The following LIN7A variants were observed in gnomAD, a reference collection of about 807,000 sequenced individuals.
LIN7A encodes the protein lin-7 cell polarity scaffold A, also known as protein lin-7 homolog A.
In LIN7A, 25 loss-of-function variants were observed where a neutral mutation model predicts 29.8. That is an observed-to-expected ratio of 0.84 (90% CI 0.61 to 1.17). LIN7A has a LOEUF of 1.17. LIN7A is among the 50% of genes most tolerant of loss of function. The pLI is 0.00. For synonymous variants in LIN7A, 118 were observed against 107.5 expected, an observed-to-expected ratio of 1.10 and a Z score of -0.60; for missense variants, 239 against 287.0, an observed-to-expected ratio of 0.83 and a Z score of 1.21.
At chr12:80,863,925 T>C (rs1874005392) in intron 2 of LIN7A, among the ~76,000 whole-genome samples, 1 of 152,120 alleles carries the variant, frequency 6.6e-6, no homozygotes, top group African/African-American at 2.4e-5. Flanking sequence ...AACATTAAAA[T>C]GTTCCTTTGA....
chr12:80,834,673 T>G (rs998391287), intron 4 of LIN7A, among the ~76,000 whole-genome samples: 14 of 152,218 alleles, frequency 9.2e-5, no homozygotes, highest in Non-Finnish European at 1.9e-4. Context: ...AACCAACATT[T>G]GAGTTAAAGT....
chr12:80,921,722 G>A (rs994213704), intron 1 of LIN7A, among the ~76,000 whole-genome samples: 2 of 152,030 alleles, frequency 1.3e-5, no homozygotes, highest in Non-Finnish European at 2.9e-5. Flanking sequence ...CATTTTGGGG[G>A]GACAGAAATA....
intron 4 of LIN7A, among the ~76,000 whole-genome samples, chr12:80,838,422 A>C (rs1256408291): frequency 6.6e-6 from 1 of 152,206 alleles, no homozygotes; most frequent in African/African-American, 2.4e-5. Flanking sequence ...TTGTGAGCCA[A>C]CTCAGAATGA....
At chr12:80,900,626 G>T (rs1056647104) in intron 1 of LIN7A, among the ~76,000 whole-genome samples, 3 of 152,118 alleles carry the variant, frequency 2.0e-5, no homozygotes, top group Non-Finnish European at 4.4e-5. Flanking sequence ...CTGAGAATGT[G>T]GTTGATATGA....
intron 4 of LIN7A, among the ~76,000 whole-genome samples, chr12:80,813,020 T>TA (rs1294234651): frequency 2.0e-5 from 3 of 147,352 alleles, no homozygotes; most frequent in African/African-American, 8.0e-5. Flanking sequence ...TACAGATATA[T>TA]TTTTTTTTGA....
At chr12:80,864,139 C>T (rs111926397) in intron 2 of LIN7A, among the ~76,000 whole-genome samples, 11 of 152,018 alleles carry the variant, frequency 7.2e-5, no homozygotes, top group East Asian at 1.9e-4. Flanking sequence ...AGTTTAAGGG[C>T]GTAATACTTG....
chr12:80,849,672 A>G (rs1873235977), intron 2 of LIN7A, among the ~76,000 whole-genome samples: 1 of 151,968 alleles, frequency 6.6e-6, no homozygotes, highest in African/African-American at 2.4e-5. Context: ...CCTTCTCTCT[A>G]GTTTTATTTT....
chr12:80,926,652 A>G (rs117663890), intron 1 of LIN7A, among the ~76,000 whole-genome samples: 2,521 of 152,236 alleles, frequency 0.017, 31 homozygotes, highest in Non-Finnish European at 0.027. Context: ...TCACTCTCTC[A>G]CCTCTAAATA....
intron 2 of LIN7A, among the ~76,000 whole-genome samples, chr12:80,852,497 GCAAT>G (rs1873382528): frequency 6.6e-6 from 1 of 151,986 alleles, no homozygotes; most frequent in Non-Finnish European, 1.5e-5. Flanking sequence ...ATTCAAAGAG[GCAAT>G]CAAAGAAGAT....
In LIN7A at chr12:80,832,043, T is replaced by C. The variant is rs912201162; in HGVS notation, c.483+13687A>G. On this transcript the variant is annotated intron_variant, in intron 4 of 5. Coordinates refer to ENST00000552864, the MANE Select transcript of LIN7A (RefSeq NM_004664.4). ...TGCAGGTTTTGGTTACAGACTTTAC[T>C]GAGTGGTCAAATAGATATTGTGCCT... 5.9e-5 allele frequency among the ~76,000 whole-genome samples: 9 copies of C among 152,328 alleles called. No individual in the cohort carries two copies. In the South Asian group the frequency reaches 1.0e-3, roughly 18 times the overall value.
intron 5 of LIN7A, among the ~76,000 whole-genome samples, chr12:80,802,539 C>T (rs1870771316): frequency 6.6e-6 from 1 of 152,180 alleles, no homozygotes; most frequent in South Asian, 2.1e-4. Context: ...GAGGACCCTC[C>T]TCCATATTAT....
intron 4 of LIN7A, among the ~76,000 whole-genome samples, chr12:80,837,013 T>C (rs1379017233): frequency 6.6e-6 from 1 of 151,962 alleles, no homozygotes; most frequent in Non-Finnish European, 1.5e-5. Flanking sequence ...AATGGCTTTA[T>C]TGATTGGATA....
chr12:80,849,937 G>T (rs1873249972), intron 2 of LIN7A, among the ~76,000 whole-genome samples: 1 of 152,080 alleles, frequency 6.6e-6, no homozygotes, highest in Non-Finnish European at 1.5e-5. Context: ...AGTTATTTTG[G>T]TTAACATTGC....
At chr12:80,798,179 T>C (rs1870541994) in intron 5 of LIN7A, among the ~76,000 whole-genome samples, 1 of 152,192 alleles carries the variant, frequency 6.6e-6, no homozygotes, top group Non-Finnish European at 1.5e-5. Flanking sequence ...TCTGTCTCTC[T>C]TCATAAGGTC....
intron 1 of LIN7A, among the ~76,000 whole-genome samples, chr12:80,895,827 T>C (rs1364728834): frequency 1.3e-5 from 2 of 152,152 alleles, no homozygotes; most frequent in African/African-American, 4.8e-5. Context: ...CGAAGATAAC[T>C]GCCATGTGCT....
At chr12:80,882,284 A>ATTTTTTTTTTTTTTTTTTTTTTTT (rs1463134808) in intron 2 of LIN7A, among the ~76,000 whole-genome samples, 3 of 72,058 alleles carry the variant, frequency 4.2e-5, no homozygotes, top group Admixed American at 1.2e-4. Flanking sequence ...TTTTTCTTTC[A>ATTTTTTTTTTTTTTTTTTTTTTTT]TTCTTTTTTT....
chr12:80,863,909 T>C (rs935992241), intron 2 of LIN7A, among the ~76,000 whole-genome samples: 3 of 152,170 alleles, frequency 2.0e-5, no homozygotes, highest in Non-Finnish European at 4.4e-5. Context: ...TTTGTTTTTT[T>C]TTAACAACAT....
chr12:80,828,111 T>C (rs1436365408), intron 4 of LIN7A, among the ~76,000 whole-genome samples: 3 of 152,188 alleles, frequency 2.0e-5, no homozygotes, highest in Non-Finnish European at 4.4e-5. Flanking sequence ...TTTGGTGAAA[T>C]TTATATCTTC....
At chr12:80,890,887 A>G (rs1467487030) in intron 1 of LIN7A, among the ~76,000 whole-genome samples, 1 of 152,182 alleles carries the variant, frequency 6.6e-6, no homozygotes, top group East Asian at 1.9e-4. Context: ...ACAGAGTGAG[A>G]CCCTATCTCT....
Sources: allele counts gnomAD v4.1 joint callset (sites outside exome capture counted in the v4.1 genomes callset), GRCh38; gene constraint gnomAD v4.1.1; transcripts MANE v1.5; gene names NCBI Gene and HGNC (gene_info 2026-07-23, HGNC 2026-07-21).